RYR3: variants seen among roughly 807,000 people sequenced by gnomAD.
RYR3 encodes the protein ryanodine receptor 3.
In RYR3, 207 loss-of-function variants were observed where a neutral mutation model predicts 584.3. The observed-to-expected ratio is 0.35, with a 90% CI of 0.32 to 0.40. The LOEUF is 0.40. Ranked by LOEUF, RYR3 falls within the 10% of genes least tolerant of loss-of-function variation. The probability of loss-of-function intolerance (pLI) is 1.00; values close to 1 mark genes in which losing one functional copy is unlikely to be tolerated. For missense variants in RYR3, 5,616 were observed against 6,089.2 expected, an observed-to-expected ratio of 0.92 and a Z score of 2.59; for synonymous variants, 2,416 against 2,248.5, an observed-to-expected ratio of 1.07 and a Z score of -2.11.
At chr15:33,826,173 C>A (rs1000788994) in intron 82 of RYR3, 79 bp from the exon 83 acceptor site, 3 of 1,393,498 alleles carry the variant, frequency 2.2e-6, no homozygotes, top group Non-Finnish European at 3.1e-6. Context: ...TTCACATAGC[C>A]AGTTTTAACT....
At chr15:33,490,386 C>T (rs2050863390) in intron 2 of RYR3, among the ~76,000 whole-genome samples, 1 of 152,148 alleles carries the variant, frequency 6.6e-6, no homozygotes, top group Admixed American at 6.5e-5. Context: ...AGGATCTTTG[C>T]TCTAAGCCCT....
intron 42 of RYR3, among the ~76,000 whole-genome samples, chr15:33,702,753 C>T (rs2152776712): frequency 6.6e-6 from 1 of 152,080 alleles, no homozygotes; most frequent in East Asian, 1.9e-4. Context: ...ATAGCCAGGC[C>T]AGAGCCCTGA....
At position 33,738,969 on chromosome 15, in the gene RYR3, G is replaced by A. The variant is rs1478683678; in HGVS notation, c.7656+379G>A. Among the ~76,000 whole-genome samples the A allele has an allele frequency of 2.6e-5, 4 of 152,204 alleles. No individual in the cohort carries two copies. The South Asian group carries it at 6.2e-4, about 24-fold the overall frequency. On this transcript the variant is annotated intron_variant, in intron 50 of 103. Coordinates refer to ENST00000634891, the MANE Select transcript of RYR3 (RefSeq NM_001036.6). ...CACTAGGCTCGAGCCAAGAGGAAAA[G>A]TCCTGACATCTGCTGTGATGGTGGG...
At chr15:33,375,757 A>G (rs975832816) in intron 1 of RYR3, among the ~76,000 whole-genome samples, 3 of 152,206 alleles carry the variant, frequency 2.0e-5, no homozygotes, top group African/African-American at 4.8e-5. Context: ...GTAACCACCA[A>G]TGAAATTAAG....
At chr15:33,778,870 G>A in intron 64 of RYR3, among the ~76,000 whole-genome samples, 1 of 152,184 alleles carries the variant, frequency 6.6e-6, no homozygotes, top group Non-Finnish European at 1.5e-5. Context: ...TGCTGACTGG[G>A]GGCTGATTTT....
chr15:33,562,069 C>T (rs527921067), intron 10 of RYR3, among the ~76,000 whole-genome samples: 1 of 152,188 alleles, frequency 6.6e-6, no homozygotes, highest in South Asian at 2.1e-4. Flanking sequence ...AGAATAGAAC[C>T]ACGGAGGCCC....
Position 33,805,843 on chromosome 15 carries a change from CTCTG to C in RYR3, c.10012-1708_10012-1705del, listed in dbSNP as rs1415207101. 4.0e-5 allele frequency among the ~76,000 whole-genome samples: 6 copies of C among 151,836 alleles called. 1 individual carries two copies. The South Asian group carries it at 1.0e-3, about 26-fold the overall frequency. On this transcript the variant is annotated intron_variant, in intron 69 of 103. Coordinates refer to ENST00000634891, the MANE Select transcript of RYR3 (RefSeq NM_001036.6). ...GTTTACTCACAGGCATGTGTGCATA[CTCTG>C]TCTCTCTCTCTCATAAATGTGCACA...
At position 33,859,589 on chromosome 15, in the gene RYR3, C is replaced by T. The variant is rs748502666; in HGVS notation, c.14157C>T (p.His4719=). 25 of 1,613,844 alleles carry T rather than the reference C, an allele frequency of 1.5e-5. No individual in the cohort carries two copies. The highest frequency in any genetic ancestry group is 2.1e-5 in the Non-Finnish European group (25 of 1,179,884). ...TTCTTCTCTAGTGTTACCTTTTCCA[C>T]ATGTACGTGGGAGTGAGAGCAGGAG... The part of the protein sequence containing the change: ...CDDMMTCYLF[H]MYVGVRAGGG... Residue 4719 remains histidine (H), a synonymous_variant, in exon 100 of 104, where the codon CAC becomes CAT. Transcript: ENST00000634891.
At chr15:33,549,273 G>A (rs1019952645) in intron 9 of RYR3, among the ~76,000 whole-genome samples, 10 of 152,042 alleles carry the variant, frequency 6.6e-5, no homozygotes, top group African/African-American at 1.7e-4. Flanking sequence ...GTATGTATGC[G>A]TACTTCTGGT....
At chr15:33,855,685 C>CAT (rs925676768) in intron 98 of RYR3, among the ~76,000 whole-genome samples, 5 of 151,756 alleles carry the variant, frequency 3.3e-5, no homozygotes, top group African/African-American at 1.2e-4. Flanking sequence ...TACACACACA[C>CAT]ATATGTATAT....
At position 33,669,850 on chromosome 15, in the gene RYR3, G is replaced by T. The variant is rs1220888057; in HGVS notation, c.5722+394G>T. 8.4e-5 allele frequency among the ~76,000 whole-genome samples: 4 copies of T among 47,534 alleles called. 1 individual carries two copies. Among genetic ancestry groups the T allele is most frequent in the African/African-American group, 2.4e-4 (4 of 16,994 alleles). The allele number at this position is 47,534 out of a possible 152,430, so 31.2% of individuals were successfully genotyped here. ...ATTAGGGGTGTGTGTGTGTGGGGGG[G>T]GGGGGGGGTGTGGGTGTGTGGGTGT... On this transcript the variant is annotated intron_variant, in intron 37 of 103. Transcript: ENST00000634891.
At chr15:33,776,863 G>T (rs187640082) in intron 64 of RYR3, among the ~76,000 whole-genome samples, 65 of 152,328 alleles carry the variant, frequency 4.3e-4, no homozygotes, top group African/African-American at 1.5e-3. Context: ...GAAAAGGAAA[G>T]TGCTACTTGT....
chr15:33,326,801 A>G (rs1189693518), intron 1 of RYR3, among the ~76,000 whole-genome samples: 6 of 152,234 alleles, frequency 3.9e-5, no homozygotes, highest in Admixed American at 2.0e-4. Flanking sequence ...ACTAGCTAAC[A>G]TAAGTGCAAT....
At chr15:33,780,455 GC>G in intron 65 of RYR3, 114 bp downstream of exon 65, 1 of 1,084,890 alleles carries the variant, frequency 9.2e-7, no homozygotes, top group Non-Finnish European at 1.3e-6. Flanking sequence ...TCTGAGAGGA[GC>G]CAGGAGGTGA....
intron 2 of RYR3, 135 bp downstream of exon 2, chr15:33,473,673 T>G: frequency 1.1e-6 from 1 of 912,140 alleles, no homozygotes; most frequent in Non-Finnish European, 1.6e-6. Context: ...GGGAAGCAGA[T>G]CTGGTTTAAA....
In RYR3 at chr15:33,315,905, G is replaced by A. The variant is rs142182222; in HGVS notation, c.51+4809G>A. Among the ~76,000 whole-genome samples the A allele has an allele frequency of 9.9e-3, 1,510 of 152,298 alleles. 26 individuals are homozygous for A. Among genetic ancestry groups the A allele is most frequent in the African/African-American group, 0.034 (1,426 of 41,560 alleles). On this transcript the variant is annotated intron_variant, in intron 1 of 103. Transcript: ENST00000634891. ...CTTGGAAATATTTGGAATGCAATGC[G>A]GCCCACTGTATAAGGACTGAGGTCA...
At chr15:33,491,865 A>G (rs2050990309) in intron 2 of RYR3, among the ~76,000 whole-genome samples, 1 of 152,186 alleles carries the variant, frequency 6.6e-6, no homozygotes, top group South Asian at 2.1e-4. Flanking sequence ...TGTGTTTATC[A>G]GAGACAGCTC....
chr15:33,771,881 C>A, intron 62 of RYR3, 39 bp from the exon 63 acceptor site: 1 of 1,495,598 alleles, frequency 6.7e-7, no homozygotes, highest in South Asian at 1.2e-5. Flanking sequence ...GCCAAAAGTT[C>A]AGATTATGCT....
intron 1 of RYR3, among the ~76,000 whole-genome samples, chr15:33,455,906 C>A (rs1426809700): frequency 6.6e-6 from 1 of 152,176 alleles, no homozygotes; most frequent in African/African-American, 2.4e-5. Context: ...AGTACACAAG[C>A]ATCAAGACTC....
Sources: allele counts gnomAD v4.1 joint callset (sites outside exome capture counted in the v4.1 genomes callset), GRCh38; gene constraint gnomAD v4.1.1; transcripts MANE v1.5; gene names NCBI Gene and HGNC (gene_info 2026-07-23, HGNC 2026-07-21).